The following VWA8 variants were observed in gnomAD, a reference collection of about 807,000 sequenced individuals.
The protein encoded by VWA8 is von Willebrand factor A domain containing 8.
VWA8 carries 221 observed loss-of-function variants against 241.5 expected under a neutral mutation model. That is an observed-to-expected ratio of 0.91 (90% confidence interval 0.82 to 1.02). VWA8 has a LOEUF of 1.02. Ranked by LOEUF, VWA8 falls within the 50% of genes least tolerant of loss-of-function variation. The pLI is 0.00. For synonymous variants in VWA8, 852 were observed against 827.1 expected (o/e 1.03, Z -0.52); for missense variants, 2,322 against 2,328.7 (o/e 1.00, Z 0.06).
intron 25 of VWA8, among the ~76,000 whole-genome samples, chr13:41,720,547 A>G (rs1042236786): frequency 2.6e-5 from 4 of 152,168 alleles, no homozygotes; most frequent in Non-Finnish European, 5.9e-5. Flanking sequence ...TGGTACAACC[A>G]TTACTTAAAA....
chr13:41,583,415 G>A (rs372805915), intron 42 of VWA8, among the ~76,000 whole-genome samples: 3 of 152,202 alleles, frequency 2.0e-5, no homozygotes, highest in Non-Finnish European at 2.9e-5. Context: ...GGGCCAAAGC[G>A]GGCAGAACAT....
At chr13:41,710,917 T>TAGC (rs1347419436) in intron 26 of VWA8, among the ~76,000 whole-genome samples, 1 of 152,238 alleles carries the variant, frequency 6.6e-6, no homozygotes. Context: ...GTTAGAGAAG[T>TAGC]AGCAGCTGCT....
At chr13:41,789,562 A>T (rs1869359274) in intron 17 of VWA8, among the ~76,000 whole-genome samples, 2 of 152,216 alleles carry the variant, frequency 1.3e-5, no homozygotes, top group South Asian at 4.1e-4. Context: ...AAAGTCAAAA[A>T]GAGAAGTATA....
Position 41,721,526 on chromosome 13 carries a change from C to T in VWA8, c.2808G>A (p.Glu936=), listed in dbSNP as rs773048232. The change falls in exon 25 of 45, where the codon GAG becomes GAA. Residue 936 remains glutamate, a synonymous_variant. Transcript: ENST00000379310. ...HAVDNPKPHS[E]LEMLRQYGPN... is the part of the protein sequence containing the mutation. ...GTCCATACTGTCTGAGCATCTCGAG[C>T]TCCGAGTGGGGTTTGGGGTTATCAA... 6.2e-6 allele frequency: 10 copies of T among 1,613,758 alleles called. No homozygotes were observed. Among genetic ancestry groups the T allele is most frequent in the Admixed American group, 1.7e-5 (1 of 59,964 alleles).
intron 30 of VWA8, among the ~76,000 whole-genome samples, chr13:41,692,538 TG>T (rs1477166906): frequency 1.3e-5 from 2 of 152,006 alleles, no homozygotes; most frequent in Non-Finnish European, 2.9e-5. Flanking sequence ...ACTACATAAC[TG>T]GAAAACAGGT....
At chr13:41,836,086 T>A (rs1040886553) in intron 12 of VWA8, among the ~76,000 whole-genome samples, 8 of 152,218 alleles carry the variant, frequency 5.3e-5, no homozygotes, top group Admixed American at 2.0e-4. Context: ...GATTCTGATA[T>A]GCCTCCCACG....
intron 14 of VWA8, among the ~76,000 whole-genome samples, chr13:41,830,280 A>G (rs2137999769): frequency 6.6e-6 from 1 of 151,934 alleles, no homozygotes; most frequent in African/African-American, 2.4e-5. Context: ...ATTAACAACA[A>G]AAAAGCAAAT....
chr13:41,775,267 C>A (rs891156790), intron 20 of VWA8, among the ~76,000 whole-genome samples: 4 of 152,114 alleles, frequency 2.6e-5, no homozygotes, highest in Non-Finnish European at 5.9e-5. Context: ...TAATATAACA[C>A]TGATGGTCTT....
chr13:41,596,576 C>CTGTTT (rs2044489490), intron 40 of VWA8, among the ~76,000 whole-genome samples: 1 of 151,950 alleles, frequency 6.6e-6, no homozygotes, highest in South Asian at 2.1e-4. Flanking sequence ...ATATGTCCAT[C>CTGTTT]TGTTTTGTAT....
intron 1 of VWA8, among the ~76,000 whole-genome samples, chr13:41,959,026 G>C (rs768327817): frequency 6.6e-6 from 1 of 152,036 alleles, no homozygotes; most frequent in Non-Finnish European, 1.5e-5. Flanking sequence ...CAATTCACTC[G>C]GCTAAATCTG....
intron 20 of VWA8, among the ~76,000 whole-genome samples, chr13:41,768,698 T>C (rs931818535): frequency 5.3e-5 from 8 of 152,184 alleles, no homozygotes; most frequent in Admixed American, 5.2e-4. Context: ...TTTTATAATA[T>C]TTCCTCAATG....
At chr13:41,945,523 C>A (rs921143045) in intron 2 of VWA8, among the ~76,000 whole-genome samples, 1 of 152,078 alleles carries the variant, frequency 6.6e-6, no homozygotes, top group Non-Finnish European at 1.5e-5. Context: ...TAAAAGAAAT[C>A]ATGTCTAAAG....
chr13:41,952,045 C>A (rs1878161270), intron 1 of VWA8, among the ~76,000 whole-genome samples: 1 of 152,102 alleles, frequency 6.6e-6, no homozygotes, highest in East Asian at 1.9e-4. Context: ...ACCCGTGCAC[C>A]GCTCCCTTTT....
chr13:41,792,236 C>T (rs917519786), intron 17 of VWA8, among the ~76,000 whole-genome samples: 3 of 150,786 alleles, frequency 2.0e-5, no homozygotes, highest in Admixed American at 2.0e-4. Context: ...AATGCCAGTG[C>T]TTTCTTAATC....
chr13:41,772,845 C>T (rs1593761780), intron 20 of VWA8, among the ~76,000 whole-genome samples: 1 of 152,258 alleles, frequency 6.6e-6, no homozygotes, highest in East Asian at 1.9e-4. Context: ...ATAGTATCTG[C>T]AAGAAAAAGG....
intron 22 of VWA8, among the ~76,000 whole-genome samples, chr13:41,730,637 A>C (rs1049313499): frequency 1.3e-5 from 2 of 152,196 alleles, no homozygotes; most frequent in Admixed American, 1.3e-4. Context: ...TGACATCATG[A>C]AAAGAAAGAT....
chr13:41,691,243 C>T (rs2045174857), intron 32 of VWA8, 77 bp downstream of exon 32: 1 of 1,499,446 alleles, frequency 6.7e-7, no homozygotes, highest in Non-Finnish European at 9.0e-7. Flanking sequence ...AAAGACAGAA[C>T]AGTAAAGATG....
chr13:41,746,010 T>C (rs1382690336), intron 21 of VWA8, among the ~76,000 whole-genome samples: 3 of 152,094 alleles, frequency 2.0e-5, no homozygotes, highest in Non-Finnish European at 2.9e-5. Flanking sequence ...ATAATAGTGA[T>C]CGACTTGAGG....
intron 43 of VWA8, among the ~76,000 whole-genome samples, chr13:41,574,904 T>C (rs1013393313): frequency 1.3e-5 from 2 of 152,186 alleles, no homozygotes; most frequent in African/African-American, 4.8e-5. Context: ...ATCCCATTAA[T>C]AGGTATCTAC....
Sources: allele counts gnomAD v4.1 joint callset (sites outside exome capture counted in the v4.1 genomes callset), GRCh38; gene constraint gnomAD v4.1.1; transcripts MANE v1.5; gene names NCBI Gene and HGNC (gene_info 2026-07-23, HGNC 2026-07-21).